The following PTPRQ variants were observed in gnomAD, a reference collection of about 807,000 sequenced individuals.
PTPRQ encodes phosphatidylinositol phosphatase PTPRQ.
In PTPRQ, 199 loss-of-function variants were observed where a neutral mutation model predicts 246.0. That is an observed-to-expected ratio of 0.81 (90% CI 0.72 to 0.91). The LOEUF (loss-of-function observed/expected upper bound fraction) is 0.91, where lower values mean the gene tolerates loss of function less well. PTPRQ is among the 40% of genes least tolerant of loss of function. The pLI is 0.00. For synonymous variants in PTPRQ, 869 were observed against 853.2 expected, an observed-to-expected ratio of 1.02 and a Z score of -0.32; for missense variants, 2,624 against 2,528.4, an observed-to-expected ratio of 1.04 and a Z score of -0.81.
intron 25 of PTPRQ, among the ~76,000 whole-genome samples, chr12:80,573,772 T>G (rs1454138136): frequency 6.6e-6 from 1 of 152,180 alleles, no homozygotes. Flanking sequence ...TTTATGAAAT[T>G]TATAAATTTT....
At chr12:80,630,654 T>C (rs1221418224) in intron 33 of PTPRQ, among the ~76,000 whole-genome samples, 4 of 152,212 alleles carry the variant, frequency 2.6e-5, no homozygotes, top group African/African-American at 9.7e-5. Context: ...TTCCTCCTAA[T>C]CATTTTAGAA....
At chr12:80,667,312 A>G (rs1327142850) in intron 39 of PTPRQ, among the ~76,000 whole-genome samples, 1 of 151,914 alleles carries the variant, frequency 6.6e-6, no homozygotes, top group East Asian at 1.9e-4. Flanking sequence ...TGATATGTGA[A>G]GTTTGGAGAT....
chr12:80,451,054 G>A (rs914022741), intron 3 of PTPRQ, among the ~76,000 whole-genome samples: 2 of 152,200 alleles, frequency 1.3e-5, no homozygotes, highest in African/African-American at 2.4e-5. Context: ...CACAATTTCA[G>A]AGCCTGTTAG....
chr12:80,548,559 G>T (rs1301978659), intron 24 of PTPRQ, among the ~76,000 whole-genome samples: 1 of 152,082 alleles, frequency 6.6e-6, no homozygotes, highest in African/African-American at 2.4e-5. Flanking sequence ...GAGCGGTGTA[G>T]GCAGATCAGG....
In PTPRQ at chr12:80,493,323, A is replaced by G; in HGVS notation, c.1408A>G (p.Met470Val). The stretch of plus-strand genomic sequence containing the variant: ...AGAAATTGTGAACATAGTAGAGCCA[A>G]TGGTAGGATTATATGAGGGTTCAGC... ...APEIVNIVEP[M>V]VGLYEGSAEM... Residue 470 changes from methionine (M) to valine (V), a missense_variant, in exon 10 of 45, where the codon ATG becomes GTG. Coordinates refer to ENST00000644991, the MANE Select transcript of PTPRQ (RefSeq NM_001145026.2). 1 of 1,548,736 alleles carries G rather than the reference A, an allele frequency of 6.5e-7. No individual in the cohort carries two copies. The highest frequency in any genetic ancestry group is 1.2e-5 in the South Asian group (1 of 83,672).
chr12:80,651,414 G>A (rs1450980223), intron 37 of PTPRQ, among the ~76,000 whole-genome samples: 1 of 152,040 alleles, frequency 6.6e-6, no homozygotes. Flanking sequence ...ATGAACTTTA[G>A]GATGAGCAGA....
chr12:80,470,439 A>G (rs1474392019), intron 7 of PTPRQ, among the ~76,000 whole-genome samples: 1 of 152,176 alleles, frequency 6.6e-6, no homozygotes, highest in Admixed American at 6.5e-5. Context: ...AAGATAGGGC[A>G]GAAGGTATTA....
chr12:80,491,358 C>A (rs1894444543), intron 9 of PTPRQ, among the ~76,000 whole-genome samples: 1 of 151,910 alleles, frequency 6.6e-6, no homozygotes, highest in African/African-American at 2.4e-5. Context: ...GTATTGACTG[C>A]AACACCAGAG....
intron 28 of PTPRQ, among the ~76,000 whole-genome samples, chr12:80,611,522 A>T (rs1763139232): frequency 1.3e-5 from 2 of 150,296 alleles, no homozygotes; most frequent in African/African-American, 2.4e-5. Flanking sequence ...CAAGTATCAC[A>T]GGTATCTATT....
chr12:80,524,432 C>A (rs1895617090), intron 17 of PTPRQ, among the ~76,000 whole-genome samples: 1 of 152,104 alleles, frequency 6.6e-6, no homozygotes, highest in South Asian at 2.1e-4. Context: ...ACTGTGAGTC[C>A]ATTAAACTTC....
intron 8 of PTPRQ, among the ~76,000 whole-genome samples, chr12:80,478,749 T>C (rs539879681): frequency 6.6e-6 from 1 of 152,152 alleles, no homozygotes. Flanking sequence ...CAGGAGCCGA[T>C]GCGATCAACT....
At chr12:80,498,391 C>T (rs1163323625) in intron 14 of PTPRQ, among the ~76,000 whole-genome samples, 1 of 152,010 alleles carries the variant, frequency 6.6e-6, no homozygotes, top group East Asian at 1.9e-4. Context: ...TTGAGAGGTT[C>T]ATTCATTCAA....
At chr12:80,676,501 G>T (rs1358811182) in intron 43 of PTPRQ, among the ~76,000 whole-genome samples, 25 of 152,114 alleles carry the variant, frequency 1.6e-4, no homozygotes, top group Non-Finnish European at 2.9e-5. Flanking sequence ...AATCAGCCAG[G>T]CGTGGTGGCG....
At chr12:80,500,275 T>C (rs766599887) in intron 14 of PTPRQ, among the ~76,000 whole-genome samples, 5 of 152,032 alleles carry the variant, frequency 3.3e-5, no homozygotes, top group Admixed American at 6.6e-5. Context: ...CCATCAGTTA[T>C]CTACTTTATA....
intron 39 of PTPRQ, among the ~76,000 whole-genome samples, chr12:80,665,246 A>C (rs1004390418): frequency 1.3e-5 from 2 of 152,002 alleles, no homozygotes; most frequent in African/African-American, 4.8e-5. Context: ...CAGTCCACTG[A>C]CTCAAATGTT....
chr12:80,446,866 G>T (rs1892570646), intron 3 of PTPRQ, among the ~76,000 whole-genome samples: 1 of 151,932 alleles, frequency 6.6e-6, no homozygotes, highest in Non-Finnish European at 1.5e-5. Flanking sequence ...TGTGAATAAT[G>T]CTGTAATAAA....
intron 25 of PTPRQ, among the ~76,000 whole-genome samples, chr12:80,559,333 C>T (rs1384307989): frequency 6.6e-6 from 1 of 152,156 alleles, no homozygotes; most frequent in Admixed American, 6.5e-5. Context: ...CGTCAGCCAT[C>T]GCGCCCGGCC....
chr12:80,571,784 A>G (rs1897153165), intron 25 of PTPRQ, among the ~76,000 whole-genome samples: 1 of 152,098 alleles, frequency 6.6e-6, no homozygotes. Flanking sequence ...ATTTATAATA[A>G]ATAAACATAG....
intron 14 of PTPRQ, 132 bp downstream of exon 14, chr12:80,496,663 TA>T: frequency 8.6e-7 from 1 of 1,157,938 alleles, no homozygotes. Flanking sequence ...ATCCAGAAAT[TA>T]ATTTTCTTTT....
Sources: allele counts gnomAD v4.1 joint callset (sites outside exome capture counted in the v4.1 genomes callset), GRCh38; gene constraint gnomAD v4.1.1; transcripts MANE v1.5; gene names NCBI Gene and HGNC (gene_info 2026-07-23, HGNC 2026-07-21).